The following GNAQ variants were observed in gnomAD, a reference collection of about 807,000 sequenced individuals.
GNAQ encodes G protein subunit alpha q.
A neutral mutation model predicts 43.9 loss-of-function variants in GNAQ; 8 were observed. The observed-to-expected ratio is 0.18, with a 90% CI of 0.11 to 0.33. The LOEUF is 0.33. Ranked by LOEUF, GNAQ falls within the 10% of genes least tolerant of loss-of-function variation. The probability of loss-of-function intolerance (pLI) is 1.00; values close to 1 mark genes in which losing one functional copy is unlikely to be tolerated. For missense variants in GNAQ, 158 were observed against 450.8 expected (o/e 0.35, Z 5.88); for synonymous variants, 155 against 170.7 (o/e 0.91, Z 0.71).
At chr9:77,821,891 T>A (rs1827123570) in intron 2 of GNAQ, among the ~76,000 whole-genome samples, 1 of 152,050 alleles carries the variant, frequency 6.6e-6, no homozygotes, top group African/African-American at 2.4e-5. Flanking sequence ...TTCAAAACAA[T>A]TAGGGTATGG....
chr9:77,990,559 C>T (rs560224743), intron 1 of GNAQ, among the ~76,000 whole-genome samples: 22 of 152,142 alleles, frequency 1.4e-4, no homozygotes, highest in South Asian at 1.0e-3. Flanking sequence ...GTCAAAGGCT[C>T]CAGGTTTTTC....
chr9:77,835,774 C>G (rs944284000), intron 2 of GNAQ, among the ~76,000 whole-genome samples: 4 of 152,100 alleles, frequency 2.6e-5, no homozygotes, highest in African/African-American at 9.7e-5. Flanking sequence ...AAGATTTAAC[C>G]CAGTAAGGCT....
At chr9:77,995,139 C>T (rs10870003) in intron 1 of GNAQ, among the ~76,000 whole-genome samples, 31,916 of 152,168 alleles carry the variant, frequency 0.21, 3,558 homozygotes, top group South Asian at 0.37. Context: ...ACTCTACATA[C>T]TCTACATATA....
At chr9:77,903,440 T>C (rs1210661808) in intron 2 of GNAQ, among the ~76,000 whole-genome samples, 1 of 152,054 alleles carries the variant, frequency 6.6e-6, no homozygotes, top group Non-Finnish European at 1.5e-5. Context: ...GCAGGGACTG[T>C]AAGGAGGAAA....
intron 5 of GNAQ, among the ~76,000 whole-genome samples, chr9:77,732,339 T>C (rs1339566434): frequency 6.6e-6 from 1 of 151,998 alleles, no homozygotes; most frequent in Non-Finnish European, 1.5e-5. Context: ...TTGGGAAATG[T>C]ACAAAGAGGA....
At chr9:77,937,752 C>CA (rs1288729880) in intron 1 of GNAQ, among the ~76,000 whole-genome samples, 1 of 149,426 alleles carries the variant, frequency 6.7e-6, no homozygotes, top group African/African-American at 2.5e-5. Flanking sequence ...ATCAGCCAGG[C>CA]GTGGTGGGGC....
chr9:77,797,454 TAG>T (rs1350154652), intron 4 of GNAQ, 64 bp downstream of exon 4: 1 of 1,198,956 alleles, frequency 8.3e-7, no homozygotes, highest in Non-Finnish European at 1.2e-6. Context: ...CCAGTATTTA[TAG>T]AGTTTACCAA....
intron 2 of GNAQ, among the ~76,000 whole-genome samples, chr9:77,882,477 C>T (rs1828230378): frequency 6.6e-6 from 1 of 152,200 alleles, no homozygotes; most frequent in African/African-American, 2.4e-5. Context: ...TCAAGAATTT[C>T]ACCGCATCAC....
chr9:77,899,930 G>A (rs1454376832), intron 2 of GNAQ, among the ~76,000 whole-genome samples: 1 of 152,170 alleles, frequency 6.6e-6, no homozygotes, highest in Admixed American at 6.5e-5. Context: ...AGCAAATTCT[G>A]CAGGGTGGAA....
chr9:77,717,098 GAC>G lies in GNAQ; in HGVS notation c.*4223_*4224del, dbSNP rs1825236904. The G allele has an allele frequency of 4.3e-6, 1 of 232,510 alleles. No homozygotes were observed. The highest frequency in any genetic ancestry group is 8.5e-6 in the Non-Finnish European group (1 of 117,706). 14.4% of individuals were successfully genotyped at this position (232,510 alleles called of 1,614,324 possible). On this transcript the variant is annotated 3_prime_UTR_variant, in exon 7 of 7. Coordinates refer to ENST00000286548, the MANE Select transcript of GNAQ (RefSeq NM_002072.5). ...GATGGAACCAAAATGAAATCCCAAAGACACAGTTACCAGGACAGATCTATTAA... is the reference window on the plus strand; with the variant it reads ...GATGGAACCAAAATGAAATCCCAAAGACAGTTACCAGGACAGATCTATTAA...
chr9:77,730,193 T>C (rs182222038), intron 5 of GNAQ, among the ~76,000 whole-genome samples: 1 of 152,352 alleles, frequency 6.6e-6, no homozygotes. Context: ...TGTACTTTTC[T>C]GGTTTTTATT....
At chr9:78,015,055 C>T (rs1159386704) in intron 1 of GNAQ, among the ~76,000 whole-genome samples, 1 of 152,232 alleles carries the variant, frequency 6.6e-6, no homozygotes. Flanking sequence ...TCACCACTCA[C>T]TGACACCCAG....
intron 1 of GNAQ, among the ~76,000 whole-genome samples, chr9:77,982,247 T>C (rs979777335): frequency 1.3e-5 from 2 of 152,212 alleles, no homozygotes; most frequent in African/African-American, 4.8e-5. Flanking sequence ...AAAGAAATGA[T>C]TCTGGTCTTT....
chr9:78,010,022 T>G (rs908963835), intron 1 of GNAQ, among the ~76,000 whole-genome samples: 1 of 152,150 alleles, frequency 6.6e-6, no homozygotes, highest in South Asian at 2.1e-4. Flanking sequence ...TTGGGATAAT[T>G]TATTTAGACA....
intron 1 of GNAQ, among the ~76,000 whole-genome samples, chr9:77,947,399 C>T (rs1048356687): frequency 1.3e-5 from 2 of 152,160 alleles, no homozygotes; most frequent in African/African-American, 4.8e-5. Flanking sequence ...CATGACTCTG[C>T]CCTATGCCAG....
At position 77,871,291 on chromosome 9, in the gene GNAQ, T is replaced by C. The variant is rs539061329; in HGVS notation, c.321+50870A>G. On this transcript the variant is annotated intron_variant, in intron 2 of 6. Transcript: ENST00000286548. ...TCCTCTGGATTCTCCAGAGGATAAA[T>C]AGTCCTTTACTCAGCACTGAACTCT... is the stretch of plus-strand genomic sequence containing the variant. Among the ~76,000 whole-genome samples, 5 of 152,270 alleles carry C rather than the reference T, an allele frequency of 3.3e-5. No homozygotes were observed. The East Asian group carries it at 5.8e-4, about 18-fold the overall frequency.
intron 2 of GNAQ, among the ~76,000 whole-genome samples, chr9:77,877,595 T>A (rs1270558297): frequency 2.0e-5 from 3 of 152,142 alleles, no homozygotes; most frequent in African/African-American, 4.8e-5. Flanking sequence ...TGAGGAGGAG[T>A]GTGAAAACAA....
chr9:77,784,465 T>C (rs985821203), intron 5 of GNAQ, among the ~76,000 whole-genome samples: 1 of 152,208 alleles, frequency 6.6e-6, no homozygotes, highest in African/African-American at 2.4e-5. Context: ...GTTAAAATGT[T>C]GGTATTATTT....
chr9:77,838,938 T>C (rs1827439876), intron 2 of GNAQ, among the ~76,000 whole-genome samples: 2 of 152,132 alleles, frequency 1.3e-5, no homozygotes, highest in Non-Finnish European at 2.9e-5. Flanking sequence ...AAAAATCTAC[T>C]GTAAAAAAAC....
Sources: gnomAD v4.1 joint callset for allele counts (sites outside exome capture counted in the v4.1 genomes callset) on GRCh38, gnomAD v4.1.1 for gene constraint, MANE v1.5 for transcripts, NCBI Gene and HGNC (gene_info 2026-07-23, HGNC 2026-07-21) for gene names.